The following ARPC2 variants were observed in gnomAD, a reference collection of about 807,000 sequenced individuals.
ARPC2 encodes actin-related protein 2/3 complex subunit 2.
Under a neutral mutation model 38.6 loss-of-function variants are expected in ARPC2, and 4 were observed. The ratio of observed to expected loss-of-function variants is 0.10; its 90% confidence interval spans 0.05 to 0.24. The LOEUF (loss-of-function observed/expected upper bound fraction) is 0.24, where lower values mean the gene tolerates loss of function less well. Among genes scored for constraint, ARPC2 ranks in the 10% least tolerant of loss-of-function variants. ARPC2 has a pLI of 1.00. For missense variants in ARPC2, 229 were observed against 387.3 expected (o/e 0.59, Z 3.43); for synonymous variants, 125 against 140.8 (o/e 0.89, Z 0.79).
intron 10 of ARPC2, among the ~76,000 whole-genome samples, chr2:218,252,416 G>C (rs1690213667): frequency 6.6e-6 from 1 of 152,178 alleles, no homozygotes; most frequent in Non-Finnish European, 1.5e-5. Context: ...GGATGTGCTT[G>C]CTGCCTCTCC....
At position 218,249,736 on chromosome 2, in the gene ARPC2, C is replaced by G. The variant is rs969721266; in HGVS notation, c.778-85C>G. On this transcript the variant is annotated intron_variant, in intron 9 of 10. Coordinates refer to ENST00000315717, the MANE Select transcript of ARPC2 (RefSeq NM_152862.3). ...TCCCAGGGTGTATGTTCCCAACCGC[C>G]CTTGATGACCTCTCTGATGAAAGAC... is the stretch of plus-strand genomic sequence containing the variant. 19 of 1,341,910 alleles carry G rather than the reference C, an allele frequency of 1.4e-5. No individual in the cohort carries two copies. In the African/African-American group the frequency reaches 2.1e-4, roughly 15 times the overall value. 83.1% of individuals were successfully genotyped at this position (1,341,910 alleles called of 1,614,324 possible).
intron 3 of ARPC2, among the ~76,000 whole-genome samples, chr2:218,227,779 A>T (rs1689537237): frequency 6.6e-6 from 1 of 152,042 alleles, no homozygotes; most frequent in African/African-American, 2.4e-5. Flanking sequence ...TTTTGTAGAG[A>T]CAGGGTTTCA....
At chr2:218,223,555 T>C (rs1488220847) in intron 2 of ARPC2, among the ~76,000 whole-genome samples, 3 of 152,182 alleles carry the variant, frequency 2.0e-5, no homozygotes, top group African/African-American at 7.2e-5. Context: ...TCTTGGAACA[T>C]ATCCCCCACA....
intron 4 of ARPC2, chr2:218,233,759 C>T (rs1045879457): frequency 6.6e-6 from 1 of 152,110 alleles, no homozygotes; most frequent in African/African-American, 2.4e-5. Flanking sequence ...TGGAATTTGG[C>T]ATCCTTTTGC....
chr2:218,217,267 G>GGTGT lies in ARPC2; in HGVS notation c.-9+16_-9+17insTGTG. 1 of 552,064 alleles carries GGTGT rather than the reference G, an allele frequency of 1.8e-6. No homozygotes were observed. Among genetic ancestry groups the GGTGT allele is most frequent in the South Asian group, 2.2e-5 (1 of 45,594 alleles). 34.2% of individuals were successfully genotyped at this position (552,064 alleles called of 1,614,324 possible). A position where few individuals can be genotyped will look rare whatever the true frequency, so the allele number is the denominator to read the frequency against. ...CTTCGGGGGCCAGGTCGGTTGGGTGGGTGGGTGTCTCCACAGTCTGCGTGC... is the reference window on the plus strand; with the variant it reads ...CTTCGGGGGCCAGGTCGGTTGGGTGGGTGTGTGGGTGTCTCCACAGTCTGCGTGC... On this transcript the variant is annotated intron_variant, in intron 1 of 10. Coordinates refer to ENST00000315717, the MANE Select transcript of ARPC2 (RefSeq NM_152862.3).
At chr2:218,243,765 G>A (rs1689968702) in intron 7 of ARPC2, among the ~76,000 whole-genome samples, 1 of 152,186 alleles carries the variant, frequency 6.6e-6, no homozygotes. Context: ...GACAGAGTGA[G>A]ACCCTGTCTC....
chr2:218,248,882 C>T (rs1690112601), intron 8 of ARPC2, among the ~76,000 whole-genome samples: 1 of 152,180 alleles, frequency 6.6e-6, no homozygotes, highest in Non-Finnish European at 1.5e-5. Context: ...TGTCTGTTTT[C>T]ACAGTGAGAA....
intron 9 of ARPC2, 79 bp from the exon 10 acceptor site, chr2:218,249,742 T>G: frequency 8.6e-6 from 12 of 1,391,124 alleles, no homozygotes; most frequent in Non-Finnish European, 1.2e-5. Context: ...CCGCCCTTGA[T>G]GACCTCTCTG....
intron 10 of ARPC2, among the ~76,000 whole-genome samples, chr2:218,250,530 T>G (rs1392436375): frequency 6.6e-6 from 1 of 152,060 alleles, no homozygotes; most frequent in Non-Finnish European, 1.5e-5. Flanking sequence ...CCGGTCGTGG[T>G]GGCAGGTGCC....
chr2:218,234,519 A>T lies in ARPC2; in HGVS notation c.268+122A>T, dbSNP rs544168567. The T allele has an allele frequency of 1.9e-5, 16 of 838,696 alleles. No individual in the cohort carries two copies. The South Asian group carries it at 2.8e-4, about 15-fold the overall frequency. The allele number at this position is 838,696 out of a possible 1,614,324, so 52.0% of individuals were successfully genotyped here. A position where few individuals can be genotyped will look rare whatever the true frequency, so the allele number is the denominator to read the frequency against. Reference sequence around the variant, plus strand: ...ATTACAAATATTTCTGCATGAGCCCATTCCTAATTTCAACTCCGTCCATAA... The same window carrying T: ...ATTACAAATATTTCTGCATGAGCCCTTTCCTAATTTCAACTCCGTCCATAA... On this transcript the variant is annotated intron_variant, in intron 5 of 10. Coordinates refer to ENST00000315717, the MANE Select transcript of ARPC2 (RefSeq NM_152862.3).
intron 2 of ARPC2, among the ~76,000 whole-genome samples, chr2:218,218,275 A>T (rs1689303717): frequency 6.6e-6 from 1 of 152,152 alleles, no homozygotes; most frequent in African/African-American, 2.4e-5. Context: ...TTCTTACATC[A>T]AGACCCTAGG....
rs1416214549 is a variant in ARPC2, at chr2:218,217,217, C to A, written c.-46C>A. The A allele has an allele frequency of 2.2e-6, 1 of 446,572 alleles. No individual in the cohort carries two copies. The highest frequency in any genetic ancestry group is 3.9e-6 in the Non-Finnish European group (1 of 253,672). 27.7% of individuals were successfully genotyped at this position (446,572 alleles called of 1,614,324 possible). A position where few individuals can be genotyped will look rare whatever the true frequency, so the allele number is the denominator to read the frequency against. ...GGTGAAGCGGCAGTGGCGGCGGCGG[C>A]GGCGGCTCGGCAGGCGGGTTCAGGC... is the stretch of plus-strand genomic sequence containing the variant. On this transcript the variant is annotated 5_prime_UTR_variant, in exon 1 of 11. Transcript: ENST00000315717.
chr2:218,236,674 C>G (rs978602386), intron 5 of ARPC2: 2 of 152,172 alleles, frequency 1.3e-5, no homozygotes, highest in African/African-American at 4.8e-5. Flanking sequence ...TGCCTGTAAT[C>G]CCAGCTGCCT....
intron 7 of ARPC2, among the ~76,000 whole-genome samples, chr2:218,241,660 G>C (rs537811756): frequency 6.6e-6 from 1 of 152,346 alleles, no homozygotes; most frequent in South Asian, 2.1e-4. Context: ...GTGTACCGGA[G>C]ATTTGTTCCT....
At chr2:218,235,880 GA>G (rs1437435613) in intron 5 of ARPC2, 1 of 152,206 alleles carries the variant, frequency 6.6e-6, no homozygotes, top group African/African-American at 2.4e-5. Flanking sequence ...CTTGAGCTCA[GA>G]AGTTCAGGAC....
chr2:218,234,664 G>T (rs1689726588), intron 5 of ARPC2: 1 of 510,306 alleles, frequency 2.0e-6, no homozygotes, highest in East Asian at 3.7e-5. Flanking sequence ...TAATCTTTCA[G>T]CCAGAGGGCC....
At chr2:218,243,822 C>T (rs916981540) in intron 7 of ARPC2, among the ~76,000 whole-genome samples, 13 of 152,126 alleles carry the variant, frequency 8.5e-5, no homozygotes, top group African/African-American at 2.4e-4. Flanking sequence ...TATCGTTGAC[C>T]GAGCCTTAAA....
chr2:218,239,029 C>G, intron 6 of ARPC2, 179 bp downstream of exon 6: 3 of 590,100 alleles, frequency 5.1e-6, no homozygotes, highest in Admixed American at 3.2e-5. Flanking sequence ...CTCCTACTCT[C>G]CAGATACTGA....
chr2:218,254,192 C>A lies in ARPC2; in HGVS notation c.*277C>A. 1 of 432,690 alleles carries A rather than the reference C, an allele frequency of 2.3e-6. No homozygotes were observed. The allele number at this position is 432,690 out of a possible 1,614,324, so 26.8% of individuals were successfully genotyped here. ...TCCCTCACTTCCCTTTTCTCCCACCCTCTTTTCCAAGCTGTTTCGCTTTGC... is the reference window on the plus strand; with the variant it reads ...TCCCTCACTTCCCTTTTCTCCCACCATCTTTTCCAAGCTGTTTCGCTTTGC... On this transcript the variant is annotated 3_prime_UTR_variant, in exon 11 of 11. Coordinates refer to ENST00000315717, the MANE Select transcript of ARPC2 (RefSeq NM_152862.3).
Sources: gnomAD v4.1 joint callset for allele counts (sites outside exome capture counted in the v4.1 genomes callset) on GRCh38, gnomAD v4.1.1 for gene constraint, MANE v1.5 for transcripts, NCBI Gene and HGNC (gene_info 2026-07-23, HGNC 2026-07-21) for gene names.